Variants in SIGLEC5 observed in about 807,000 individuals in gnomAD.
The protein encoded by SIGLEC5 is sialic acid-binding Ig-like lectin 5.
A neutral mutation model predicts 45.9 loss-of-function variants in SIGLEC5; 34 were observed. The ratio of observed to expected loss-of-function variants is 0.74; its 90% CI spans 0.56 to 0.99. The LOEUF is 0.99. Among genes scored for constraint, SIGLEC5 ranks in the 50% least tolerant of loss-of-function variants. The pLI, the probability that SIGLEC5 is intolerant of heterozygous loss-of-function variation, is 0.00. For synonymous variants in SIGLEC5, 203 were observed against 258.6 expected, an observed-to-expected ratio of 0.79 and a Z score of 2.06; for missense variants, 508 against 629.6, an observed-to-expected ratio of 0.81 and a Z score of 2.07.
intron 8 of SIGLEC5, among the ~76,000 whole-genome samples, chr19:51,618,556 A>C (rs1983159678): frequency 6.6e-6 from 1 of 150,404 alleles, no homozygotes; most frequent in Non-Finnish European, 1.5e-5. Flanking sequence ...CTTTGGGAGG[A>C]CGAGGTGGGC....
intron 8 of SIGLEC5, among the ~76,000 whole-genome samples, chr19:51,622,549 T>TA (rs997864659): frequency 2.0e-5 from 3 of 151,990 alleles, no homozygotes; most frequent in Admixed American, 2.0e-4. Context: ...TATCAGGACT[T>TA]ATTTTTGAAT....
intron 8 of SIGLEC5, 74 bp from the exon 9 acceptor site, chr19:51,612,496 A>T: frequency 2.8e-6 from 3 of 1,078,058 alleles, no homozygotes; most frequent in Non-Finnish European, 4.0e-6. Flanking sequence ...TCTTATATTT[A>T]TATGTTGCCT....
chr19:51,623,061 G>A (rs540684845), intron 8 of SIGLEC5, among the ~76,000 whole-genome samples: 8 of 152,224 alleles, frequency 5.3e-5, no homozygotes, highest in South Asian at 2.1e-4. Context: ...GCAACTCAAC[G>A]GATCAATGCT....
chr19:51,628,987 A>C (rs1371499084), intron 4 of SIGLEC5, 51 bp downstream of exon 4: 1 of 1,554,198 alleles, frequency 6.4e-7, no homozygotes, highest in South Asian at 1.1e-5. Flanking sequence ...ACCTCTGCTC[A>C]GAGACAGACC....
intron 8 of SIGLEC5, among the ~76,000 whole-genome samples, chr19:51,622,232 C>T (rs1184924425): frequency 1.3e-5 from 2 of 151,968 alleles, no homozygotes; most frequent in Non-Finnish European, 2.9e-5. Flanking sequence ...CCCAGGTTCA[C>T]GCCATTCTCC....
intron 8 of SIGLEC5, among the ~76,000 whole-genome samples, chr19:51,625,190 A>G (rs1600103127): frequency 6.6e-6 from 1 of 152,174 alleles, no homozygotes; most frequent in Admixed American, 6.5e-5. Flanking sequence ...GGAAAGGTGG[A>G]AGAAACTATA....
At chr19:51,625,745 G>A (rs1055639783) in intron 8 of SIGLEC5, among the ~76,000 whole-genome samples, 40 of 152,160 alleles carry the variant, frequency 2.6e-4, no homozygotes, top group African/African-American at 9.4e-4. Context: ...CAGGAGAATC[G>A]CTTGAACCTG....
intron 8 of SIGLEC5, among the ~76,000 whole-genome samples, chr19:51,624,083 C>T (rs1425174243): frequency 1.3e-5 from 2 of 151,840 alleles, no homozygotes; most frequent in African/African-American, 2.4e-5. Flanking sequence ...TGCTTGAACC[C>T]GGGAGGTGGA....
intron 8 of SIGLEC5, among the ~76,000 whole-genome samples, chr19:51,625,602 G>A (rs1333668395): frequency 6.6e-6 from 1 of 152,194 alleles, no homozygotes; most frequent in Non-Finnish European, 1.5e-5. Context: ...GGCCGAGGCG[G>A]GCGGATCACC....
intron 8 of SIGLEC5, among the ~76,000 whole-genome samples, chr19:51,625,235 C>T (rs531207199): frequency 6.6e-6 from 1 of 152,254 alleles, no homozygotes; most frequent in Non-Finnish European, 1.5e-5. Flanking sequence ...ACAGCAGGTC[C>T]GTATGGAGAC....
At chr19:51,617,464 G>A (rs1983110853) in intron 8 of SIGLEC5, among the ~76,000 whole-genome samples, 1 of 152,098 alleles carries the variant, frequency 6.6e-6, no homozygotes, top group Admixed American at 6.6e-5. Flanking sequence ...CAGGGAAAAT[G>A]AGTGGATTAC....
intron 8 of SIGLEC5, among the ~76,000 whole-genome samples, chr19:51,625,532 T>C (rs573198333): frequency 1.4e-3 from 206 of 152,184 alleles, no homozygotes; most frequent in Non-Finnish European, 2.6e-3. Flanking sequence ...GTTTTACTTT[T>C]AGAAAGAAGG....
At chr19:51,614,234 C>T (rs1157452239) in intron 8 of SIGLEC5, among the ~76,000 whole-genome samples, 2 of 152,204 alleles carry the variant, frequency 1.3e-5, no homozygotes, top group Non-Finnish European at 2.9e-5. Flanking sequence ...AACCTCCCGT[C>T]CCTGGCTCAA....
In SIGLEC5 at chr19:51,627,179, C is replaced by T. The variant is rs777324127; in HGVS notation, c.1352G>A (p.Cys451Tyr). 1.2e-6 allele frequency: 2 copies of T among 1,614,118 alleles called. No individual in the cohort carries two copies. Among genetic ancestry groups the T allele is most frequent in the South Asian group, 1.1e-5 (1 of 91,082 alleles). ...AAAGAAGATGAGGCACAGACAGATA[C>T]AGAGCAGGGCCATGACACCAGCACC... ...LGGAGVMALLCICLCLIFFLI... is the reference protein window; with the variant it reads ...LGGAGVMALLYICLCLIFFLI... Residue 451 changes from cysteine (C) to tyrosine (Y), a missense_variant, in exon 7 of 9, where the codon TGT (cysteine) becomes TAT (tyrosine). Physicochemically the swap from Cys to Tyr is radical, Grantham distance 194 (BLOSUM62 -2). Around this residue, in one of 2 missense-constraint regions of SIGLEC5, gnomAD observed 431 missense variants for 428.8 expected, o/e 1.01. Transcript: ENST00000683636.
chr19:51,628,785 T>C (rs981000942), intron 4 of SIGLEC5, among the ~76,000 whole-genome samples: 1 of 149,372 alleles, frequency 6.7e-6, no homozygotes, highest in Non-Finnish European at 1.5e-5. Context: ...TGTGGTGTAT[T>C]GCATGTGTAT....
chr19:51,619,116 C>G (rs947562200), intron 8 of SIGLEC5, among the ~76,000 whole-genome samples: 1 of 152,122 alleles, frequency 6.6e-6, no homozygotes, highest in African/African-American at 2.4e-5. Context: ...ACATTGTTGC[C>G]CAGGCTGGAG....
At position 51,618,443 on chromosome 19, in the gene SIGLEC5, T is replaced by TAAAAAAAAAAAAAA. The variant is rs1228951315; in HGVS notation, c.1465-6035_1465-6022dup. 5.2e-3 allele frequency among the ~76,000 whole-genome samples: 259 copies of TAAAAAAAAAAAAAA among 49,450 alleles called. 28 individuals carry two copies. The highest frequency in any genetic ancestry group is 8.0e-3 in the South Asian group (7 of 876). The allele number at this position is 49,450 out of a possible 152,430, so 32.4% of individuals were successfully genotyped here. On this transcript the variant is annotated intron_variant, in intron 8 of 8. Coordinates refer to ENST00000683636, the MANE Select transcript of SIGLEC5 (RefSeq NM_003830.4). ...CCGCATGAGTGAGTGAGACCCTGCC[T>TAAAAAAAAAAAAAA]AAAAAAAAAAAAAAAAAAAAAAAAA...
chr19:51,620,401 G>T (rs185802994), intron 8 of SIGLEC5, among the ~76,000 whole-genome samples: 136 of 152,062 alleles, frequency 8.9e-4, no homozygotes, highest in African/African-American at 3.2e-3. Context: ...ACCTACTGGA[G>T]TATTAAAAAA....
chr19:51,628,937 G>C (rs1414665260), intron 4 of SIGLEC5, 101 bp downstream of exon 4: 4 of 1,190,464 alleles, frequency 3.4e-6, no homozygotes, highest in Non-Finnish European at 4.9e-6. Context: ...TCTCATTCTT[G>C]CTCTTCCCAA....
Sources: allele counts gnomAD v4.1 joint callset (sites outside exome capture counted in the v4.1 genomes callset), GRCh38; gene constraint gnomAD v4.1.1; regional missense constraint gnomAD v4.1.1; transcripts MANE v1.5; gene names NCBI Gene and HGNC (gene_info 2026-07-23, HGNC 2026-07-21).